CADM2: variants seen among roughly 807,000 people sequenced by gnomAD.
CADM2 encodes the protein immunoglobulin superfamily member 4D.
CADM2 carries 12 observed loss-of-function variants against 49.8 expected under a neutral mutation model. The ratio of observed to expected loss-of-function variants is 0.24; its 90% CI spans 0.15 to 0.39. The LOEUF is 0.39. Among genes scored for constraint, CADM2 ranks in the 10% least tolerant of loss-of-function variants. CADM2 has a pLI of 1.00. For synonymous variants in CADM2, 214 were observed against 175.4 expected (o/e 1.22, Z -1.74); for missense variants, 378 against 492.3 (o/e 0.77, Z 2.20).
chr3:85,654,551 T>TAA (rs1293141764), intron 1 of CADM2, among the ~76,000 whole-genome samples: 1 of 152,104 alleles, frequency 6.6e-6, no homozygotes, highest in African/African-American at 2.4e-5. Flanking sequence ...AAGAATAAAA[T>TAA]AAGTGATAGA....
At chr3:85,012,318 C>CA (rs531784412) in intron 1 of CADM2, among the ~76,000 whole-genome samples, 6,128 of 142,102 alleles carry the variant, frequency 0.043, 154 homozygotes, top group African/African-American at 0.061. Context: ...TTGCAAAATG[C>CA]TTTTTTTTTT....
At chr3:85,186,501 C>T (rs2041068608) in intron 1 of CADM2, among the ~76,000 whole-genome samples, 1 of 151,932 alleles carries the variant, frequency 6.6e-6, no homozygotes, top group Non-Finnish European at 1.5e-5. Context: ...TTTTGTTATA[C>T]TCATTATAAT....
intron 3 of CADM2, among the ~76,000 whole-genome samples, chr3:85,809,704 CT>C (rs2072700308): frequency 7.9e-6 from 1 of 126,206 alleles, no homozygotes; most frequent in Admixed American, 7.7e-5. Flanking sequence ...TCCTTCCTTC[CT>C]TCCTTCCTTC....
At chr3:85,962,982 G>T (rs187152668) in intron 8 of CADM2, among the ~76,000 whole-genome samples, 1 of 151,720 alleles carries the variant, frequency 6.6e-6, no homozygotes, top group African/African-American at 2.4e-5. Context: ...GAAATTTGGG[G>T]GTCTAGTATA....
At chr3:85,790,983 G>A (rs2071288725) in intron 2 of CADM2, among the ~76,000 whole-genome samples, 1 of 152,172 alleles carries the variant, frequency 6.6e-6, no homozygotes, top group Non-Finnish European at 1.5e-5. Flanking sequence ...AAATGGATGA[G>A]GTAGAATCAA....
chr3:85,057,545 TG>T (rs2036131331), intron 1 of CADM2, among the ~76,000 whole-genome samples: 1 of 152,158 alleles, frequency 6.6e-6, no homozygotes, highest in African/African-American at 2.4e-5. Flanking sequence ...ATATAGAATC[TG>T]TTTTTCAAGA....
intron 1 of CADM2, among the ~76,000 whole-genome samples, chr3:85,569,628 G>A (rs1362903366): frequency 1.3e-5 from 2 of 149,452 alleles, no homozygotes; most frequent in African/African-American, 4.9e-5. Context: ...CGATAGGTGT[G>A]TAGTGTCATC....
chr3:86,013,526 T>G, intron 8 of CADM2: 2 of 1,605,038 alleles, frequency 1.2e-6, no homozygotes, highest in South Asian at 2.2e-5. Context: ...ACACGTTGTT[T>G]TCTTCAAAAA....
intron 8 of CADM2, among the ~76,000 whole-genome samples, chr3:85,963,309 C>G (rs138093970): frequency 1.6e-3 from 238 of 151,964 alleles, no homozygotes; most frequent in African/African-American, 5.6e-3. Flanking sequence ...TAGCCTAATC[C>G]AATTAGACTG....
chr3:86,004,187 T>A lies in CADM2; in HGVS notation c.970+42540T>A, dbSNP rs116807096. On this transcript the variant is annotated intron_variant, in intron 8 of 9. Transcript: ENST00000383699. ...AAAAAACGAAGAGTTTCCTTATACCTTTATTTTTTAATGCCAAAGTAAATA... is the reference window on the plus strand; with the variant it reads ...AAAAAACGAAGAGTTTCCTTATACCATTATTTTTTAATGCCAAAGTAAATA... 5.4e-3 allele frequency among the ~76,000 whole-genome samples: 820 copies of A among 152,282 alleles called. 3 individuals carry two copies. The highest frequency in any genetic ancestry group is 0.014 in the Middle Eastern group (4 of 294).
intron 3 of CADM2, among the ~76,000 whole-genome samples, chr3:85,864,614 G>A (rs1473884376): frequency 6.6e-6 from 1 of 152,124 alleles, no homozygotes; most frequent in Non-Finnish European, 1.5e-5. Flanking sequence ...CTCAACAACA[G>A]CAACAAATTT....
intron 1 of CADM2, among the ~76,000 whole-genome samples, chr3:85,579,168 A>C (rs1461371427): frequency 6.6e-6 from 1 of 152,224 alleles, no homozygotes; most frequent in Non-Finnish European, 1.5e-5. Context: ...ATTTGAGCAA[A>C]TAAATTTGAG....
At chr3:85,651,719 A>G (rs908026467) in intron 1 of CADM2, among the ~76,000 whole-genome samples, 2 of 151,976 alleles carry the variant, frequency 1.3e-5, no homozygotes, top group Non-Finnish European at 2.9e-5. Flanking sequence ...CCCAAACCTC[A>G]TTATTCTTGC....
At chr3:85,944,883 C>T (rs572984474) in intron 7 of CADM2, among the ~76,000 whole-genome samples, 1 of 151,974 alleles carries the variant, frequency 6.6e-6, no homozygotes, top group South Asian at 2.1e-4. Flanking sequence ...GAAGCAAGAG[C>T]AAACACATTC....
rs184890378 is a variant in CADM2 at position 85,062,747 on chromosome 3, C to T, written c.61+103079C>T. Among the ~76,000 whole-genome samples, 6 of 151,908 alleles carry T rather than the reference C, an allele frequency of 3.9e-5. No individual in the cohort carries two copies. In the East Asian group the frequency reaches 5.8e-4, roughly 15 times the overall value. ...TCAGAACTTTAAATGTAAGAACTGACGAATGTTGCTATGACATGAAAATTC... is the reference window on the plus strand; with the variant it reads ...TCAGAACTTTAAATGTAAGAACTGATGAATGTTGCTATGACATGAAAATTC... On this transcript the variant is annotated intron_variant, in intron 1 of 9. Transcript: ENST00000383699.
intron 1 of CADM2, among the ~76,000 whole-genome samples, chr3:85,277,485 A>G (rs1005274383): frequency 6.6e-6 from 1 of 151,350 alleles, no homozygotes; most frequent in Non-Finnish European, 1.5e-5. Context: ...ATAACTTCTC[A>G]CTCAAGTCTA....
intron 2 of CADM2, among the ~76,000 whole-genome samples, chr3:85,773,225 G>C (rs973434892): frequency 6.6e-6 from 1 of 152,034 alleles, no homozygotes; most frequent in Non-Finnish European, 1.5e-5. Context: ...ACATAGCAGA[G>C]TGGTGTGAAA....
chr3:85,242,728 AG>A (rs1180539398), intron 1 of CADM2, among the ~76,000 whole-genome samples: 1 of 151,820 alleles, frequency 6.6e-6, no homozygotes, highest in Non-Finnish European at 1.5e-5. Context: ...AGATAATACA[AG>A]ATCTCAGGTC....
chr3:84,971,135 T>C (rs2031403077), intron 1 of CADM2, among the ~76,000 whole-genome samples: 1 of 152,094 alleles, frequency 6.6e-6, no homozygotes, highest in Non-Finnish European at 1.5e-5. Flanking sequence ...TTTCAGTTTG[T>C]TATAAGAAAG....
Sources: gnomAD v4.1 joint callset for allele counts (sites outside exome capture counted in the v4.1 genomes callset) on GRCh38, gnomAD v4.1.1 for gene constraint, MANE v1.5 for transcripts, NCBI Gene and HGNC (gene_info 2026-07-23, HGNC 2026-07-21) for gene names.